MERTK: variants seen among roughly 807,000 people sequenced by gnomAD.
MERTK encodes the protein MER proto-oncogene, tyrosine kinase, also known as tyrosine-protein kinase Mer.
Under a neutral mutation model 99.3 loss-of-function variants are expected in MERTK, and 69 were observed. The observed-to-expected ratio is 0.70, with a 90% CI of 0.57 to 0.85. MERTK has a LOEUF of 0.85. MERTK is among the 40% of genes least tolerant of loss of function. The pLI is 0.00. For missense variants in MERTK, 1,125 were observed against 1,249.4 expected, an observed-to-expected ratio of 0.90 and a Z score of 1.50; for synonymous variants, 426 against 467.6, an observed-to-expected ratio of 0.91 and a Z score of 1.15.
At chr2:111,987,356 G>A (rs1198497790) in intron 8 of MERTK, among the ~76,000 whole-genome samples, 1 of 152,170 alleles carries the variant, frequency 6.6e-6, no homozygotes, top group Non-Finnish European at 1.5e-5. Flanking sequence ...CTCAAACGAT[G>A]ATACCTACCT....
At chr2:112,011,414 G>A (rs12469210) in intron 15 of MERTK, among the ~76,000 whole-genome samples, 37,746 of 151,994 alleles carry the variant, frequency 0.25, 4,961 homozygotes, top group South Asian at 0.32. Flanking sequence ...TCCAAGTGAA[G>A]CAGTGCCATG....
Position 111,898,802 on chromosome 2 carries a change from T to G in MERTK, c.61+6T>G. The G allele has an allele frequency of 6.3e-7, 1 of 1,586,124 alleles. No homozygotes were observed. Among genetic ancestry groups the G allele is most frequent in the Non-Finnish European group, 8.6e-7 (1 of 1,167,124 alleles). On this transcript the variant is annotated splice_donor_region_variant and intron_variant, in intron 1 of 18. Coordinates refer to ENST00000295408, the MANE Select transcript of MERTK (RefSeq NM_006343.3). ...CCCCGCGCTCTGGCGTAGAGGTGAG[T>G]GCGCCCGGCTGGGGGCCAGGCGAGG... is the stretch of plus-strand genomic sequence containing the variant.
chr2:111,949,191 T>G (rs1685012541), intron 4 of MERTK, among the ~76,000 whole-genome samples: 1 of 152,038 alleles, frequency 6.6e-6, no homozygotes, highest in African/African-American at 2.4e-5. Flanking sequence ...TGTGTACTCC[T>G]CCATTGCACT....
chr2:111,985,544 A>G (rs1032651602), intron 8 of MERTK, among the ~76,000 whole-genome samples: 5 of 152,338 alleles, frequency 3.3e-5, no homozygotes, highest in African/African-American at 4.8e-5. Context: ...CACTGCTAAT[A>G]AAGACATACC....
At chr2:111,927,379 C>T (rs932343145) in intron 1 of MERTK, among the ~76,000 whole-genome samples, 7 of 152,210 alleles carry the variant, frequency 4.6e-5, no homozygotes, top group Non-Finnish European at 1.0e-4. Flanking sequence ...GAAAAATTCC[C>T]AGATCCCCTC....
intron 1 of MERTK, among the ~76,000 whole-genome samples, chr2:111,909,376 A>G (rs1684198886): frequency 6.6e-6 from 1 of 152,240 alleles, no homozygotes. Flanking sequence ...TGACAAGATA[A>G]CAAAGGAATT....
rs190272911 is a variant in MERTK, at chr2:111,956,620, T to C, written c.758-8571T>C. Among the ~76,000 whole-genome samples, 13 of 152,296 alleles carry C rather than the reference T, an allele frequency of 8.5e-5. No individual in the cohort carries two copies. In the East Asian group the frequency reaches 1.9e-3, roughly 23 times the overall value. ...TGCCCACAGTACTTTCTGTAAAGAA[T>C]TACTTTGAATCACATAGCAAGCTGT... On this transcript the variant is annotated intron_variant, in intron 4 of 18. Transcript: ENST00000295408.
intron 2 of MERTK, among the ~76,000 whole-genome samples, chr2:111,941,872 T>C (rs1483648753): frequency 6.6e-6 from 1 of 152,216 alleles, no homozygotes; most frequent in Non-Finnish European, 1.5e-5. Context: ...GCTCCTTTTC[T>C]ATTTCTGGTG....
intron 2 of MERTK, chr2:111,940,694 T>G (rs1273356247): frequency 2.6e-6 from 2 of 767,026 alleles, no homozygotes; most frequent in Non-Finnish European, 4.7e-6. Context: ...TCTGCATTTT[T>G]AGTTGCATTG....
intron 6 of MERTK, among the ~76,000 whole-genome samples, chr2:111,969,950 C>G (rs1676062910): frequency 6.6e-6 from 1 of 151,954 alleles, no homozygotes; most frequent in Non-Finnish European, 1.5e-5. Context: ...CCCGGCCTCC[C>G]AAAGTGCTGG....
At chr2:111,985,661 G>A (rs745766369) in intron 8 of MERTK, among the ~76,000 whole-genome samples, 4 of 152,118 alleles carry the variant, frequency 2.6e-5, no homozygotes, top group Admixed American at 6.5e-5. Context: ...GCAAAGGCAC[G>A]TCTTACATGG....
At chr2:111,913,085 T>C in intron 1 of MERTK, 1 of 985,328 alleles carries the variant, frequency 1.0e-6, no homozygotes, top group Non-Finnish European at 1.2e-6. Context: ...ATACAGGTAC[T>C]GGGTCCTTTG....
chr2:111,970,757 T>C (rs1573609972), intron 6 of MERTK, among the ~76,000 whole-genome samples: 1 of 49,610 alleles, frequency 2.0e-5, no homozygotes, highest in Admixed American at 2.4e-4. Context: ...TCCTCCCTTC[T>C]CCTCCTCCTC....
Position 112,028,973 on chromosome 2 carries a change from A to G in MERTK, c.*109A>G. On this transcript the variant is annotated 3_prime_UTR_variant, in exon 19 of 19. Coordinates refer to ENST00000295408, the MANE Select transcript of MERTK (RefSeq NM_006343.3). The stretch of plus-strand genomic sequence containing the variant: ...TTGTCTTCCTTACCAAGTGAACTCC[A>G]TGGCCCCAAAGCACCAGATGAATGT... The G allele has an allele frequency of 1.3e-6, 2 of 1,594,312 alleles. No individual in the cohort carries two copies. The highest frequency in any genetic ancestry group is 1.7e-6 in the Non-Finnish European group (2 of 1,170,660).
Position 111,944,953 on chromosome 2 carries a change from T to C in MERTK, c.483-7T>C. The C allele has an allele frequency of 6.2e-7, 1 of 1,611,394 alleles. No individual in the cohort carries two copies. On this transcript the variant is annotated splice_polypyrimidine_tract_variant and splice_region_variant and intron_variant, in intron 2 of 18. Coordinates refer to ENST00000295408, the MANE Select transcript of MERTK (RefSeq NM_006343.3). The stretch of plus-strand genomic sequence containing the variant: ...CTGTAAATATCTTCATGTGTTTTTC[T>C]TTGCAGCATAACCAGTGTGCAGCGT...
chr2:112,028,443 G>A lies in MERTK; in HGVS notation c.2579G>A (p.Ser860Asn), dbSNP rs1677514490. The A allele has an allele frequency of 6.2e-7, 1 of 1,614,124 alleles. No homozygotes were observed. Among genetic ancestry groups the A allele is most frequent in the Non-Finnish European group, 8.5e-7 (1 of 1,180,012 alleles). ...LRLQLEKLLE[S>N]LPDVRNQADV... ...CTGCAGCTAGAAAAACTCTTAGAAA[G>A]TTTGCCTGACGTTCGGAACCAAGCA... Residue 860 changes from serine to asparagine, a missense_variant, in exon 19 of 19, where the codon AGT becomes AAT. By Grantham distance (46) the Ser-to-Asn change is conservative. Transcript: ENST00000295408.
rs768397034 is a variant in MERTK, at chr2:112,022,239, G to C, written c.2350-19G>C. The C allele has an allele frequency of 1.2e-5, 19 of 1,613,700 alleles. No individual in the cohort carries two copies. The East Asian group carries it at 2.5e-4, about 21-fold the overall frequency. On this transcript the variant is annotated intron_variant, in intron 17 of 18. Coordinates refer to ENST00000295408, the MANE Select transcript of MERTK (RefSeq NM_006343.3). ...TGTGGAAAGGCTTGCATCCTAACTT[G>C]TTGTTGCTTTGTTCCCAGTGGGCAT...
chr2:111,949,668 C>G (rs1292898654), intron 4 of MERTK, among the ~76,000 whole-genome samples: 2 of 152,126 alleles, frequency 1.3e-5, no homozygotes, highest in African/African-American at 4.8e-5. Flanking sequence ...AGTGTAGACA[C>G]CCATGTAGCT....
chr2:112,010,474 T>C (rs1203649058), intron 15 of MERTK, among the ~76,000 whole-genome samples: 3 of 152,278 alleles, frequency 2.0e-5, no homozygotes, highest in South Asian at 4.1e-4. Flanking sequence ...GAAGAAGTGT[T>C]GGTGACCAAG....
Sources: allele counts gnomAD v4.1 joint callset (sites outside exome capture counted in the v4.1 genomes callset), GRCh38; gene constraint gnomAD v4.1.1; transcripts MANE v1.5; gene names NCBI Gene and HGNC (gene_info 2026-07-23, HGNC 2026-07-21).